NUCB1: variants seen among roughly 807,000 people sequenced by gnomAD.
The protein encoded by NUCB1 is nucleobindin-1.
Under a neutral mutation model 61.2 loss-of-function variants are expected in NUCB1, and 47 were observed. The ratio of observed to expected loss-of-function variants is 0.77; its 90% CI spans 0.61 to 0.98. NUCB1 has a LOEUF of 0.98. Among genes scored for constraint, NUCB1 ranks in the 50% least tolerant of loss-of-function variants. NUCB1 has a pLI of 0.00. For missense variants in NUCB1, 583 were observed against 605.3 expected, an observed-to-expected ratio of 0.96 and a Z score of 0.39; for synonymous variants, 234 against 243.1, an observed-to-expected ratio of 0.96 and a Z score of 0.35.
At chr19:48,922,051 A>G in intron 12 of NUCB1, 119 bp downstream of exon 12, 1 of 799,126 alleles carries the variant, frequency 1.3e-6, no homozygotes, top group Non-Finnish European at 1.9e-6. Context: ...CCAGACTCCC[A>G]GATCTGAGGG....
Position 48,919,089 on chromosome 19 carries a change from G to A in NUCB1, c.876G>A (p.Glu292=). ...ACGACATGCGGGAGATGGAGGAGGA[G>A]CGACTGCGCATGCGGGAGCATGTGA... ...EEDDMREMEE[E]RLRMREHVMK... Residue 292 remains glutamate, a synonymous_variant, in exon 9 of 13, where the codon GAG becomes GAA. Transcript: ENST00000405315. The A allele has an allele frequency of 6.2e-7, 1 of 1,614,174 alleles. No individual in the cohort carries two copies. The highest frequency in any genetic ancestry group is 8.5e-7 in the Non-Finnish European group (1 of 1,180,038).
chr19:48,920,572 G>A (rs749598768), intron 10 of NUCB1, among the ~76,000 whole-genome samples: 14 of 152,086 alleles, frequency 9.2e-5, no homozygotes, highest in South Asian at 2.1e-4. Context: ...TGCCCAGGCT[G>A]TAGTGCAATG....
intron 12 of NUCB1, 43 bp downstream of exon 12, chr19:48,921,975 C>G: frequency 6.8e-7 from 1 of 1,472,718 alleles, no homozygotes; most frequent in Non-Finnish European, 9.3e-7. Context: ...AGGGCTGGAC[C>G]CCTGGGTCTG....
intron 3 of NUCB1, among the ~76,000 whole-genome samples, chr19:48,905,190 G>C (rs1035635745): frequency 6.6e-6 from 1 of 152,188 alleles, no homozygotes; most frequent in African/African-American, 2.4e-5. Context: ...CAAGTGTTGT[G>C]GGAGGGCTGC....
chr19:48,905,952 T>C, intron 4 of NUCB1, 67 bp downstream of exon 4: 1 of 1,438,922 alleles, frequency 6.9e-7, no homozygotes. Context: ...ACTCCCGGCC[T>C]CCAGGTGGTT....
intron 4 of NUCB1, among the ~76,000 whole-genome samples, chr19:48,906,701 C>G (rs967321107): frequency 6.6e-6 from 1 of 151,404 alleles, no homozygotes; most frequent in Non-Finnish European, 1.5e-5. Flanking sequence ...CCAGCCTGGG[C>G]GACAGAACAA....
chr19:48,921,384 C>G (rs1363551763), intron 11 of NUCB1, 60 bp downstream of exon 11: 3 of 1,529,478 alleles, frequency 2.0e-6, no homozygotes, highest in Non-Finnish European at 1.8e-6. Flanking sequence ...GTCCGTGTCC[C>G]CATGGGTGTC....
Position 48,905,927 on chromosome 19 carries a change from G to A in NUCB1, c.376+42G>A, listed in dbSNP as rs776812671. 29 of 1,452,238 alleles carry A rather than the reference G, an allele frequency of 2.0e-5. No homozygotes were observed. The Middle Eastern group carries it at 1.5e-3, about 73-fold the overall frequency. 90.0% of individuals were successfully genotyped at this position (1,452,238 alleles called of 1,614,324 possible). A position where few individuals can be genotyped will look rare whatever the true frequency, so the allele number is the denominator to read the frequency against. ...CGGGAGGGACAGGCAGGGAGGGGTGGGGAAGGGTGGCCTCACTCCCGGCCT... is the reference window on the plus strand; with the variant it reads ...CGGGAGGGACAGGCAGGGAGGGGTGAGGAAGGGTGGCCTCACTCCCGGCCT... On this transcript the variant is annotated intron_variant, in intron 4 of 12. Transcript: ENST00000405315.
At position 48,911,246 on chromosome 19, in the gene NUCB1, C is replaced by A; in HGVS notation, c.474C>A (p.Ile158=). 6.2e-7 allele frequency: 1 copy of A among 1,612,360 alleles called. No homozygotes were observed. Among genetic ancestry groups the A allele is most frequent in the Non-Finnish European group, 8.5e-7 (1 of 1,178,656 alleles). The change falls in exon 5 of 13, where the codon ATC becomes ATA. Residue 158 remains isoleucine (I), a synonymous_variant. Coordinates refer to ENST00000405315, the MANE Select transcript of NUCB1 (RefSeq NM_006184.6). ...AGGCCCGCGACCTGGAGCTGCTGAT[C>A]CAGACGGTAATGGGAGTGGGTCCGG... The part of the protein sequence containing the change: ...TFEARDLELL[I]QTATRDLAQY...
intron 2 of NUCB1, among the ~76,000 whole-genome samples, chr19:48,901,290 G>A (rs2037351259): frequency 6.6e-6 from 1 of 152,176 alleles, no homozygotes. Flanking sequence ...CTGACTTCAT[G>A]GTGCTCTTGG....
At chr19:48,914,914 C>T (rs1007907506) in intron 7 of NUCB1, among the ~76,000 whole-genome samples, 4 of 151,716 alleles carry the variant, frequency 2.6e-5, no homozygotes. Flanking sequence ...AACCCCATCT[C>T]CACAAAAATA....
chr19:48,909,893 A>G (rs762586368), intron 4 of NUCB1, among the ~76,000 whole-genome samples: 7 of 151,964 alleles, frequency 4.6e-5, no homozygotes, highest in Non-Finnish European at 1.0e-4. Context: ...TAGGGCCCAC[A>G]GTAATGACCT....
chr19:48,911,055 G>A, intron 4 of NUCB1, 94 bp from the exon 5 acceptor site: 1 of 873,612 alleles, frequency 1.1e-6, no homozygotes, highest in South Asian at 1.5e-5. Context: ...GGCTTCCCTA[G>A]TGCTGTCCGT....
intron 7 of NUCB1, among the ~76,000 whole-genome samples, 171 bp downstream of exon 7, chr19:48,913,735 A>G (rs2037506566): frequency 6.6e-6 from 1 of 152,162 alleles, no homozygotes; most frequent in Non-Finnish European, 1.5e-5. Flanking sequence ...CTACAAGGCT[A>G]GGATCTGCAT....
At chr19:48,905,502 G>A (rs952472911) in intron 3 of NUCB1, among the ~76,000 whole-genome samples, 3 of 152,112 alleles carry the variant, frequency 2.0e-5, no homozygotes, top group African/African-American at 7.2e-5. Flanking sequence ...GATTACAGGC[G>A]TGACCCACCG....
Position 48,922,682 on chromosome 19 carries a change from C to T in NUCB1, c.*258C>T, listed in dbSNP as rs898506169. ...CGTGTCCAGTGAGGTGCTCAGTGATCGGCTTAACTTAGAGAAGCCCGCCCC... is the reference window on the plus strand; with the variant it reads ...CGTGTCCAGTGAGGTGCTCAGTGATTGGCTTAACTTAGAGAAGCCCGCCCC... On this transcript the variant is annotated 3_prime_UTR_variant, in exon 13 of 13. Coordinates refer to ENST00000405315, the MANE Select transcript of NUCB1 (RefSeq NM_006184.6). 2.2e-5 allele frequency: 10 copies of T among 459,468 alleles called. No individual in the cohort carries two copies. Among genetic ancestry groups the T allele is most frequent in the East Asian group, 4.1e-5 (1 of 24,408 alleles). 28.5% of individuals were successfully genotyped at this position (459,468 alleles called of 1,614,324 possible). A position where few individuals can be genotyped will look rare whatever the true frequency, so the allele number is the denominator to read the frequency against.
intron 7 of NUCB1, chr19:48,918,345 G>C (rs2037563817): frequency 5.2e-6 from 1 of 192,168 alleles, no homozygotes; most frequent in South Asian, 1.0e-4. Context: ...TACGTTGGTA[G>C]GAGAGGCTCC....
intron 4 of NUCB1, among the ~76,000 whole-genome samples, chr19:48,908,322 G>T (rs542915471): frequency 6.6e-6 from 1 of 152,168 alleles, no homozygotes; most frequent in South Asian, 2.1e-4. Context: ...TAGAGACAGG[G>T]TTTCACCATG....
intron 4 of NUCB1, among the ~76,000 whole-genome samples, chr19:48,909,079 T>C (rs2037444750): frequency 6.6e-6 from 1 of 151,926 alleles, no homozygotes; most frequent in African/African-American, 2.4e-5. Context: ...GTGAAAGTAT[T>C]GGCAGGGTTG....
Sources: gnomAD v4.1 joint callset for allele counts (sites outside exome capture counted in the v4.1 genomes callset) on GRCh38, gnomAD v4.1.1 for gene constraint, MANE v1.5 for transcripts, NCBI Gene and HGNC (gene_info 2026-07-23, HGNC 2026-07-21) for gene names.